Variants in C17orf75 observed in about 807,000 individuals in gnomAD.
C17orf75 encodes protein Njmu-R1.
In C17orf75, 32 loss-of-function variants were observed where a neutral mutation model predicts 49.6. The observed-to-expected ratio is 0.65, with a 90% CI of 0.49 to 0.87. The LOEUF (loss-of-function observed/expected upper bound fraction) is 0.87, where lower values mean the gene tolerates loss of function less well. C17orf75 is among the 40% of genes least tolerant of loss of function. C17orf75 has a pLI of 0.00. For missense variants in C17orf75, 428 were observed against 473.9 expected (o/e 0.90, Z 0.90); for synonymous variants, 158 against 159.5 (o/e 0.99, Z 0.07).
chr17:32,334,700 G>C, intron 7 of C17orf75, 75 bp downstream of exon 7: 1 of 1,571,382 alleles, frequency 6.4e-7, no homozygotes, highest in Non-Finnish European at 8.7e-7. Flanking sequence ...GGAAGGGATG[G>C]AAGGAGCAGT....
chr17:32,348,456 C>T (rs2041445013), intron 1 of C17orf75, among the ~76,000 whole-genome samples: 1 of 152,184 alleles, frequency 6.6e-6, no homozygotes, highest in African/African-American at 2.4e-5. Context: ...GCTCCTACCC[C>T]AGAGGCTGAG....
intron 2 of C17orf75, among the ~76,000 whole-genome samples, chr17:32,340,317 T>C (rs1375665533): frequency 6.6e-6 from 1 of 152,126 alleles, no homozygotes; most frequent in Non-Finnish European, 1.5e-5. Flanking sequence ...ATCTTTCAAC[T>C]TTATTGAGGT....
At chr17:32,341,928 A>AAGGCCGGGCGGC in intron 1 of C17orf75, 72 bp downstream of exon 1, 4 of 1,191,798 alleles carry the variant, frequency 3.4e-6, no homozygotes, top group Non-Finnish European at 4.1e-6. Context: ...GGTGGGGTGC[A>AAGGCCGGGCGGC]AGGCCGGGCG....
At chr17:32,341,769 G>A in intron 1 of C17orf75, 2 of 1,026,906 alleles carry the variant, frequency 1.9e-6, no homozygotes, top group Non-Finnish European at 2.3e-6. Context: ...AGGGGCAGAT[G>A]AAGGGCACAG....
intron 6 of C17orf75, 27 bp from the exon 7 acceptor site, chr17:32,334,866 G>A (rs115007276): frequency 0.016 from 24,775 of 1,570,132 alleles, 262 homozygotes; most frequent in Middle Eastern, 0.029. Context: ...AAGCCTGATT[G>A]GTACATATAT....
At chr17:32,338,596 AT>A (rs1307787827) in intron 3 of C17orf75, among the ~76,000 whole-genome samples, 1 of 152,180 alleles carries the variant, frequency 6.6e-6, no homozygotes, top group East Asian at 1.9e-4. Flanking sequence ...CTCCTGTCTT[AT>A]GTGAAAAATT....
At chr17:32,337,304 A>G (rs1468419628) in intron 5 of C17orf75, among the ~76,000 whole-genome samples, 1 of 152,106 alleles carries the variant, frequency 6.6e-6, no homozygotes, top group South Asian at 2.1e-4. Flanking sequence ...TCGACAAAAA[A>G]TACCAAAAGT....
At chr17:32,346,935 A>G (rs2041429373), upstream of C17orf75, among the ~76,000 whole-genome samples, 1 of 151,824 alleles carries the variant, frequency 6.6e-6, no homozygotes, top group Non-Finnish European at 1.5e-5. Context: ...TTTATGAATA[A>G]CAGAATTGTA....
intron 6 of C17orf75, 48 bp downstream of exon 6, chr17:32,335,275 C>A: frequency 6.2e-7 from 1 of 1,601,744 alleles, no homozygotes; most frequent in Non-Finnish European, 8.5e-7. Context: ...TCTAAATCAT[C>A]CAAAGTGATT....
intron 1 of C17orf75, among the ~76,000 whole-genome samples, chr17:32,347,899 A>G (rs1296194642): frequency 3.3e-5 from 5 of 151,906 alleles, no homozygotes; most frequent in Non-Finnish European, 7.4e-5. Context: ...TTTCATAGAG[A>G]TGGTCTCACT....
Position 32,331,669 on chromosome 17 carries a change from T to G in C17orf75, c.*94A>C, listed in dbSNP as rs1254338143. The G allele has an allele frequency of 9.9e-7, 1 of 1,006,274 alleles. No individual in the cohort carries two copies. Among genetic ancestry groups the G allele is most frequent in the East Asian group, 2.5e-5 (1 of 40,446 alleles). 62.3% of individuals were successfully genotyped at this position (1,006,274 alleles called of 1,614,324 possible). A position where few individuals can be genotyped will look rare whatever the true frequency, so the allele number is the denominator to read the frequency against. On this transcript the variant is annotated 3_prime_UTR_variant, in exon 10 of 10. Transcript: ENST00000577809. The stretch of plus-strand genomic sequence containing the variant: ...AATCTGGATTGAGTTTCAAATCATC[T>G]TAAATAGCAATCCTATGAACAATTA...
chr17:32,349,821 A>G, intron 1 of C17orf75: 1 of 718,130 alleles, frequency 1.4e-6, no homozygotes. Context: ...TTACTGTTCA[A>G]TTGAAACAAA....
chr17:32,346,459 C>G (rs2041425989), upstream of C17orf75, among the ~76,000 whole-genome samples: 1 of 152,196 alleles, frequency 6.6e-6, no homozygotes, highest in African/African-American at 2.4e-5. Flanking sequence ...GCTTTGTTGC[C>G]CAGGCTCGCC....
rs187759036 is a variant in C17orf75, at chr17:32,341,434, T to A, written c.141-150A>T. 7.7e-6 allele frequency: 6 copies of A among 777,194 alleles called. No individual in the cohort carries two copies. The East Asian group carries it at 1.5e-4, about 19-fold the overall frequency. The allele number at this position is 777,194 out of a possible 1,614,324, so 48.1% of individuals were successfully genotyped here. ...CTATCCTCATGACAAGGAAAACCCA[T>A]ACAGCAGTGCTGACAAGAGCCCCTT... is the stretch of plus-strand genomic sequence containing the variant. On this transcript the variant is annotated intron_variant, in intron 1 of 9. Transcript: ENST00000577809.
In C17orf75 at chr17:32,331,361, A is replaced by ATT; in HGVS notation, c.*400_*401dup. ...TAATCTGTTCTAAGACTAGAATTAC[A>ATT]TTTTTTTTTTTAAGAAGCTACAGTC... On this transcript the variant is annotated 3_prime_UTR_variant, in exon 10 of 10. Transcript: ENST00000577809. 2 of 174,572 alleles carry ATT rather than the reference A, an allele frequency of 1.1e-5. No individual in the cohort carries two copies. The highest frequency in any genetic ancestry group is 1.5e-4 in the East Asian group (1 of 6,766). The allele number at this position is 174,572 out of a possible 1,614,324, so 10.8% of individuals were successfully genotyped here. A position where few individuals can be genotyped will look rare whatever the true frequency, so the allele number is the denominator to read the frequency against.
chr17:32,342,598 A>C (rs2041392410), upstream of C17orf75, among the ~76,000 whole-genome samples: 1 of 152,248 alleles, frequency 6.6e-6, no homozygotes, highest in Non-Finnish European at 1.5e-5. Flanking sequence ...ACATAACAAA[A>C]CACTTAGAAG....
chr17:32,344,801 G>A (rs867097309), upstream of C17orf75, among the ~76,000 whole-genome samples: 51 of 151,902 alleles, frequency 3.4e-4, 1 homozygote, highest in African/African-American at 1.2e-3. Context: ...CAGCTACTCA[G>A]GAGGCTGAGG....
At chr17:32,341,725 G>T in intron 1 of C17orf75, 1 of 890,466 alleles carries the variant, frequency 1.1e-6, no homozygotes, top group Non-Finnish European at 1.4e-6. Flanking sequence ...GCTAAACAAA[G>T]GGCAGCCGCG....
chr17:32,343,305 GTTT>G (rs71144816), upstream of C17orf75, among the ~76,000 whole-genome samples: 8 of 146,378 alleles, frequency 5.5e-5, no homozygotes, highest in African/African-American at 2.0e-4. Flanking sequence ...TGTGTTTTGT[GTTT>G]TTTTTTTTTA....
Sources: gnomAD v4.1 joint callset for allele counts (sites outside exome capture counted in the v4.1 genomes callset) on GRCh38, gnomAD v4.1.1 for gene constraint, MANE v1.5 for transcripts, NCBI Gene and HGNC (gene_info 2026-07-23, HGNC 2026-07-21) for gene names.